The following ECT2L variants were observed in gnomAD, a reference collection of about 807,000 sequenced individuals.
ECT2L encodes epithelial cell transforming 2 like, also known as epithelial cell-transforming sequence 2 oncogene-like.
ECT2L carries 126 observed loss-of-function variants against 122.8 expected under a neutral mutation model. That is an observed-to-expected ratio of 1.03 (90% CI 0.89 to 1.19). ECT2L has a LOEUF of 1.19. Among genes scored for constraint, ECT2L ranks in the 50% most tolerant of loss-of-function variants. The pLI, the probability that ECT2L is intolerant of heterozygous loss-of-function variation, is 0.00. For synonymous variants in ECT2L, 385 were observed against 381.8 expected, an observed-to-expected ratio of 1.01 and a Z score of -0.10; for missense variants, 1,012 against 1,064.1, an observed-to-expected ratio of 0.95 and a Z score of 0.68.
chr6:138,855,940 T>C (rs1295807753), intron 10 of ECT2L, among the ~76,000 whole-genome samples: 5 of 152,152 alleles, frequency 3.3e-5, no homozygotes, highest in African/African-American at 9.7e-5. Flanking sequence ...TTTGGTGACA[T>C]AAAAATTGTC....
At chr6:138,840,257 A>T (rs1377185066) in intron 5 of ECT2L, among the ~76,000 whole-genome samples, 1 of 152,188 alleles carries the variant, frequency 6.6e-6, no homozygotes, top group Non-Finnish European at 1.5e-5. Context: ...GCAGAGGTGG[A>T]AGAAAGTGCA....
At position 138,885,796 on chromosome 6, in the gene ECT2L, A is replaced by G. The variant is rs2128409193; in HGVS notation, c.2225A>G (p.Asp742Gly). 1.2e-6 allele frequency: 2 copies of G among 1,614,118 alleles called. No homozygotes were observed. The highest frequency in any genetic ancestry group is 4.5e-5 in the East Asian group (2 of 44,882). The change falls in exon 18 of 22, where the codon GAC (aspartate) becomes GGC (glycine). Residue 742 changes from aspartate (D) to glycine (G), a missense_variant. Coordinates refer to ENST00000541398, the MANE Select transcript of ECT2L (RefSeq NM_001077706.3). ...VDRGDLTTAI[D>G]QIKKYKGYID... ...CGTGGGGACTTGACCACTGCAATTG[A>G]CCAAATCAAAAAATATAAAGGTTAT...
rs769595524 is a variant in ECT2L at position 138,854,182 on chromosome 6, C to G, written c.1198+28C>G. On this transcript the variant is annotated intron_variant, in intron 10 of 21. Transcript: ENST00000541398. Reference sequence around the variant, plus strand: ...TAGCTCAGAACACCTTATAGAGAGACAGTGGCCATGCCACTTCATGGGGAT... The same window carrying G: ...TAGCTCAGAACACCTTATAGAGAGAGAGTGGCCATGCCACTTCATGGGGAT... 3.8e-6 allele frequency: 6 copies of G among 1,580,058 alleles called. No individual in the cohort carries two copies. The South Asian group carries it at 6.9e-5, about 18-fold the overall frequency.
rs1053812340 is a variant in ECT2L, at chr6:138,859,033, A to G, written c.1199-3594A>G. 3.9e-5 allele frequency among the ~76,000 whole-genome samples: 6 copies of G among 152,038 alleles called. No individual in the cohort carries two copies. The East Asian group carries it at 1.2e-3, about 29-fold the overall frequency. ...TCCTTTTCCTTTTCTCTTTTTTAATATGGAACAGCTCAAAAATTTGCAGGT... is the reference window on the plus strand; with the variant it reads ...TCCTTTTCCTTTTCTCTTTTTTAATGTGGAACAGCTCAAAAATTTGCAGGT... On this transcript the variant is annotated intron_variant, in intron 10 of 21. Transcript: ENST00000541398.
intron 4 of ECT2L, among the ~76,000 whole-genome samples, chr6:138,833,536 C>T (rs1776720437): frequency 6.6e-6 from 1 of 152,112 alleles, no homozygotes; most frequent in Non-Finnish European, 1.5e-5. Context: ...TCCCCTTGCC[C>T]TTGTGTCATC....
intron 8 of ECT2L, 93 bp from the exon 9 acceptor site, chr6:138,849,176 C>T (rs1777338193): frequency 4.9e-6 from 6 of 1,226,806 alleles, no homozygotes; most frequent in Non-Finnish European, 6.5e-6. Context: ...CTTTAGAAAT[C>T]ACGGCGTATT....
intron 13 of ECT2L, among the ~76,000 whole-genome samples, chr6:138,871,510 T>C (rs1383645385): frequency 6.6e-6 from 1 of 152,138 alleles, no homozygotes; most frequent in Non-Finnish European, 1.5e-5. Flanking sequence ...CTGCCGTCAT[T>C]AAGACCCATC....
At chr6:138,894,396 G>T (rs1779143374) in intron 20 of ECT2L, among the ~76,000 whole-genome samples, 1 of 152,166 alleles carries the variant, frequency 6.6e-6, no homozygotes, top group Non-Finnish European at 1.5e-5. Flanking sequence ...GAAGCTGGAG[G>T]TCTAATTATC....
intron 13 of ECT2L, among the ~76,000 whole-genome samples, chr6:138,876,033 C>T (rs1352735019): frequency 1.3e-5 from 2 of 151,892 alleles, no homozygotes; most frequent in Admixed American, 6.6e-5. Flanking sequence ...GCAGGAGAAT[C>T]GCTTGAACCT....
intron 4 of ECT2L, among the ~76,000 whole-genome samples, chr6:138,834,889 C>A (rs1776767568): frequency 7.2e-6 from 1 of 138,616 alleles, no homozygotes; most frequent in Admixed American, 7.8e-5. Context: ...TTCTTTGCCC[C>A]CGTTTACACA....
chr6:138,841,250 G>C (rs1240826388), intron 5 of ECT2L, among the ~76,000 whole-genome samples: 3 of 152,100 alleles, frequency 2.0e-5, no homozygotes, highest in Non-Finnish European at 2.9e-5. Flanking sequence ...AAACCAAAAA[G>C]AAAAAAGAAT....
intron 13 of ECT2L, among the ~76,000 whole-genome samples, chr6:138,869,787 C>T (rs1582638345): frequency 6.6e-6 from 1 of 152,308 alleles, no homozygotes; most frequent in Non-Finnish European, 1.5e-5. Context: ...AGCAATTCTG[C>T]TACTGCAGCC....
chr6:138,853,983 T>G (rs887914896), intron 9 of ECT2L, 43 bp from the exon 10 acceptor site: 1 of 1,596,620 alleles, frequency 6.3e-7, no homozygotes, highest in Non-Finnish European at 8.6e-7. Flanking sequence ...CTGTTCAGTA[T>G]TATGTTACAA....
intron 9 of ECT2L, among the ~76,000 whole-genome samples, chr6:138,851,013 A>AAAAAAAAAAAAAG (rs1562474231): frequency 6.7e-6 from 1 of 148,228 alleles, no homozygotes; most frequent in African/African-American, 2.6e-5. Context: ...AAAAAAAAAA[A>AAAAAAAAAAAAAG]AAAAAAAAAA....
intron 19 of ECT2L, among the ~76,000 whole-genome samples, chr6:138,887,900 T>A (rs1324823430): frequency 6.6e-6 from 1 of 152,208 alleles, no homozygotes; most frequent in Admixed American, 6.5e-5. Context: ...GGCTTCTTTG[T>A]AGGGATTTTG....
At chr6:138,886,609 G>C (rs1015249315) in intron 18 of ECT2L, among the ~76,000 whole-genome samples, 2 of 151,882 alleles carry the variant, frequency 1.3e-5, no homozygotes, top group African/African-American at 4.8e-5. Flanking sequence ...GTAGAGATGA[G>C]GTTTCACCAC....
intron 21 of ECT2L, among the ~76,000 whole-genome samples, chr6:138,901,641 T>C (rs940884185): frequency 3.9e-5 from 6 of 152,222 alleles, no homozygotes; most frequent in African/African-American, 1.4e-4. Flanking sequence ...GTAATTCCAA[T>C]AGAAATATCA....
chr6:138,900,982 CT>C lies in ECT2L; in HGVS notation c.2450del (p.Leu817ProfsTer39). ...YEHIHDLSLF[L>X]FNDALLVSSR... ...ACACATCCATGATCTCAGCCTTTTC[CT>C]CTTCAATGATGCCCTGCTCGTTTCT... On this transcript the variant is annotated frameshift_variant, in exon 21 of 22. Transcript: ENST00000541398. LOFTEE classifies it high-confidence loss of function. 1 of 1,614,142 alleles carries C rather than the reference CT, an allele frequency of 6.2e-7. No homozygotes were observed. Among genetic ancestry groups the C allele is most frequent in the East Asian group, 2.2e-5 (1 of 44,886 alleles).
chr6:138,882,617 A>G (rs1778679874), intron 15 of ECT2L, 107 bp from the exon 16 acceptor site: 1 of 1,345,466 alleles, frequency 7.4e-7, no homozygotes, highest in South Asian at 1.5e-5. Context: ...CCAAAACCCT[A>G]CCGTAAAGGA....
Sources: allele counts gnomAD v4.1 joint callset (sites outside exome capture counted in the v4.1 genomes callset), GRCh38; gene constraint gnomAD v4.1.1; transcripts MANE v1.5; gene names NCBI Gene and HGNC (gene_info 2026-07-23, HGNC 2026-07-21).